SLIT2: variants seen among roughly 807,000 people sequenced by gnomAD.
SLIT2 encodes the protein slit homolog 2 protein.
SLIT2 carries 41 observed loss-of-function variants against 185.7 expected under a neutral mutation model. That is an observed-to-expected ratio of 0.22 (90% CI 0.17 to 0.29). SLIT2 has a LOEUF of 0.29. Among genes scored for constraint, SLIT2 ranks in the 10% least tolerant of loss-of-function variants. SLIT2 has a pLI of 1.00. For missense variants in SLIT2, 1,571 were observed against 1,909.0 expected (o/e 0.82, Z 3.30); for synonymous variants, 693 against 680.2 (o/e 1.02, Z -0.29).
At chr4:20,581,798 G>C (rs1013147366) in intron 29 of SLIT2, among the ~76,000 whole-genome samples, 5 of 152,146 alleles carry the variant, frequency 3.3e-5, no homozygotes, top group African/African-American at 1.2e-4. Flanking sequence ...GGCTAGAGTA[G>C]TGCAGTGGTG....
intron 5 of SLIT2, among the ~76,000 whole-genome samples, chr4:20,471,649 C>T (rs972906395): frequency 1.3e-5 from 2 of 152,142 alleles, no homozygotes; most frequent in Admixed American, 6.6e-5. Flanking sequence ...ACATTCAGGC[C>T]TTAGAGCAAA....
intron 29 of SLIT2, among the ~76,000 whole-genome samples, chr4:20,575,388 G>T (rs1430214781): frequency 6.6e-6 from 1 of 152,084 alleles, no homozygotes; most frequent in Non-Finnish European, 1.5e-5. Context: ...TAAATAAAAA[G>T]AATGTATATC....
Position 20,542,534 on chromosome 4 carries a change from T to C in SLIT2, c.2184T>C (p.Pro728=), listed in dbSNP as rs753496836. 14 of 1,613,690 alleles carry C rather than the reference T, an allele frequency of 8.7e-6. 2 individuals are homozygous for C. The highest frequency in any genetic ancestry group is 1.6e-4 in the Middle Eastern group (1 of 6,084). Residue 728 remains proline (P), a synonymous_variant, in exon 21 of 37, where the codon CCT becomes CCC. Transcript: ENST00000504154. ...GTTGCTCCCCACTTTCTCGCTGTCCTACTGAATGTACTTGCTTGGATACAG... is the reference window on the plus strand; with the variant it reads ...GTTGCTCCCCACTTTCTCGCTGTCCCACTGAATGTACTTGCTTGGATACAG... The part of the protein sequence containing the change: ...DNSCSPLSRC[P]TECTCLDTVV...
chr4:20,507,975 A>T (rs550198541), intron 9 of SLIT2, among the ~76,000 whole-genome samples: 3 of 152,150 alleles, frequency 2.0e-5, no homozygotes, highest in Admixed American at 6.5e-5. Context: ...AAGAATGAGT[A>T]AAGGCCAAAA....
intron 29 of SLIT2, among the ~76,000 whole-genome samples, chr4:20,583,364 T>A (rs1726759183): frequency 6.6e-6 from 1 of 152,188 alleles, no homozygotes; most frequent in Admixed American, 6.5e-5. Context: ...ATTCTGTAAG[T>A]ATCAGGGAAG....
intron 4 of SLIT2, among the ~76,000 whole-genome samples, chr4:20,463,031 A>G (rs1052084946): frequency 1.3e-5 from 2 of 152,160 alleles, no homozygotes; most frequent in African/African-American, 2.4e-5. Flanking sequence ...CCACCTAACA[A>G]TCCTATGAAA....
intron 9 of SLIT2, among the ~76,000 whole-genome samples, chr4:20,502,453 A>G (rs970946641): frequency 3.9e-5 from 6 of 152,246 alleles, no homozygotes; most frequent in African/African-American, 1.4e-4. Flanking sequence ...CTCAACCTTC[A>G]AAATGTTTGC....
intron 5 of SLIT2, among the ~76,000 whole-genome samples, chr4:20,468,663 A>T (rs76049788): frequency 0.043 from 6,610 of 152,184 alleles, 271 homozygotes; most frequent in East Asian, 0.15. Flanking sequence ...TTTTTGATAG[A>T]CTATGAATCC....
chr4:20,591,765 A>G (rs892789740), intron 30 of SLIT2, among the ~76,000 whole-genome samples: 19 of 152,032 alleles, frequency 1.2e-4, no homozygotes, highest in African/African-American at 4.6e-4. Flanking sequence ...AAAGTTTTCC[A>G]GAACTGCTCA....
intron 4 of SLIT2, among the ~76,000 whole-genome samples, chr4:20,287,553 T>C (rs564779113): frequency 6.6e-6 from 1 of 152,350 alleles, no homozygotes; most frequent in Admixed American, 6.5e-5. Context: ...TAGTTGGAAC[T>C]TTTTTGTTGA....
chr4:20,525,882 A>C (rs867537213), intron 15 of SLIT2, among the ~76,000 whole-genome samples: 13 of 152,148 alleles, frequency 8.5e-5, no homozygotes, highest in African/African-American at 2.7e-4. Flanking sequence ...AATGTTTCTA[A>C]GAAAAGTAAT....
intron 4 of SLIT2, among the ~76,000 whole-genome samples, chr4:20,295,456 T>C (rs928201892): frequency 1.3e-5 from 2 of 152,186 alleles, no homozygotes; most frequent in African/African-American, 4.8e-5. Context: ...AATTTGGTCA[T>C]GACTTTTGGG....
intron 4 of SLIT2, among the ~76,000 whole-genome samples, chr4:20,434,157 G>C (rs758293642): frequency 9.2e-5 from 14 of 152,252 alleles, no homozygotes; most frequent in Non-Finnish European, 1.6e-4. Context: ...GCACAGGTTG[G>C]GATGCATGCA....
At chr4:20,306,371 G>T (rs1351808465) in intron 4 of SLIT2, among the ~76,000 whole-genome samples, 1 of 152,134 alleles carries the variant, frequency 6.6e-6, no homozygotes, top group Non-Finnish European at 1.5e-5. Flanking sequence ...AATGAAACCT[G>T]TCCATTTAGA....
In SLIT2 at chr4:20,610,055, A is replaced by G; in HGVS notation, c.3735A>G (p.Leu1245=). 2 of 1,613,606 alleles carry G rather than the reference A, an allele frequency of 1.2e-6. No homozygotes were observed. Among genetic ancestry groups the G allele is most frequent in the East Asian group, 2.2e-5 (1 of 44,832 alleles). ...INDGNFHIVE[L]LALDQSLSLS... is the part of the protein sequence containing the mutation. ...ATGGAAACTTCCACATTGTGGAACT[A>G]CTTGCCTTGGATCAGAGTCTCTCTT... The change falls in exon 34 of 37, where the codon CTA becomes CTG. Residue 1245 remains leucine (L), a synonymous_variant. Coordinates refer to ENST00000504154, the MANE Select transcript of SLIT2 (RefSeq NM_004787.4).
chr4:20,542,698 G>A lies in SLIT2; in HGVS notation c.2276+72G>A. ...AATGTTTCATACACCCAGAGGAATG[G>A]ACAAAAATCTTTACAATCTTCTTTA... On this transcript the variant is annotated intron_variant, in intron 21 of 36. Transcript: ENST00000504154. The A allele has an allele frequency of 2.1e-6, 3 of 1,452,154 alleles. No homozygotes were observed. The South Asian group carries it at 3.7e-5, about 18-fold the overall frequency. The allele number at this position is 1,452,154 out of a possible 1,614,324, so 90.0% of individuals were successfully genotyped here.
At chr4:20,544,561 A>G (rs965497417) in intron 21 of SLIT2, among the ~76,000 whole-genome samples, 2 of 152,118 alleles carry the variant, frequency 1.3e-5, no homozygotes, top group African/African-American at 4.8e-5. Flanking sequence ...TTTGAATTCA[A>G]GTTTTACCCC....
At chr4:20,512,128 T>C (rs1719811809) in intron 11 of SLIT2, among the ~76,000 whole-genome samples, 1 of 152,210 alleles carries the variant, frequency 6.6e-6, no homozygotes, top group African/African-American at 2.4e-5. Flanking sequence ...CGGCACATTT[T>C]TATTTTTTAA....
rs111281366 is a variant in SLIT2 at position 20,524,191 on chromosome 4, G to A, written c.1438+14G>A. 607 of 1,613,134 alleles carry A rather than the reference G, an allele frequency of 3.8e-4. 1 individual carries two copies. In the African/African-American group the frequency reaches 5.7e-3, roughly 15 times the overall value. ...TCCGTTGTTCAGGTAATTTCTTCAC[G>A]TGTTATTTCCCCTGTGACCAACAAC... On this transcript the variant is annotated intron_variant, in intron 14 of 36. Coordinates refer to ENST00000504154, the MANE Select transcript of SLIT2 (RefSeq NM_004787.4).
Sources: allele counts gnomAD v4.1 joint callset (sites outside exome capture counted in the v4.1 genomes callset), GRCh38; gene constraint gnomAD v4.1.1; transcripts MANE v1.5; gene names NCBI Gene and HGNC (gene_info 2026-07-23, HGNC 2026-07-21).